The following NBPF19 variants were observed in gnomAD, a reference collection of about 807,000 sequenced individuals.
NBPF19 encodes the protein NBPF family member NBPF19.
A neutral mutation model predicts 45.9 loss-of-function variants in NBPF19; 30 were observed. That is an observed-to-expected ratio of 0.65 (90% CI 0.49 to 0.89). NBPF19 has a LOEUF of 0.89. Ranked by LOEUF, NBPF19 falls within the 40% of genes least tolerant of loss-of-function variation. The pLI, the probability that NBPF19 is intolerant of heterozygous loss-of-function variation, is 0.00. For synonymous variants in NBPF19, 183 were observed against 181.2 expected (o/e 1.01, Z -0.08); for missense variants, 495 against 471.8 (o/e 1.05, Z -0.46).
At chr1:149,479,735 G>A (rs1321077861) in intron 4 of NBPF19, among the ~76,000 whole-genome samples, 4 of 150,186 alleles carry the variant, frequency 2.7e-5, no homozygotes, top group Non-Finnish European at 3.0e-5. Context: ...GTCTCATGAC[G>A]CATAGAGGAC....
At chr1:149,487,772 G>A (rs3108133) in intron 9 of NBPF19, among the ~76,000 whole-genome samples, 11 of 128,188 alleles carry the variant, frequency 8.6e-5, no homozygotes, top group Admixed American at 2.4e-4. Context: ...GACTGAGCTC[G>A]CTCTGTGTGT....
chr1:149,554,345 A>T, intron 93 of NBPF19, 150 bp from the exon 94 acceptor site: 2 of 1,422,326 alleles, frequency 1.4e-6, no homozygotes, highest in Non-Finnish European at 1.9e-6. Context: ...CTATCCCAAC[A>T]TAAAGGCAAT....
In NBPF19 at chr1:149,487,926, T is replaced by C. The variant is rs2085708648; in HGVS notation, c.1041-87T>C. Reference sequence around the variant, plus strand: ...ATCTCTCCTTTTTCTTTTCAAACTCTTCCTTATGTTAGCCATGAAATCTAG... The same window carrying C: ...ATCTCTCCTTTTTCTTTTCAAACTCCTCCTTATGTTAGCCATGAAATCTAG... On this transcript the variant is annotated intron_variant, in intron 9 of 93. Coordinates refer to ENST00000651566, the MANE Select transcript of NBPF19 (RefSeq NM_001351365.2). 3 of 732,678 alleles carry C rather than the reference T, an allele frequency of 4.1e-6. No individual in the cohort carries two copies. In the Admixed American group the frequency reaches 5.9e-5, roughly 14 times the overall value. The allele number at this position is 732,678 out of a possible 1,614,324, so 45.4% of individuals were successfully genotyped here. A position where few individuals can be genotyped will look rare whatever the true frequency, so the allele number is the denominator to read the frequency against.
intron 9 of NBPF19, among the ~76,000 whole-genome samples, chr1:149,487,649 T>A (rs1165329057): frequency 1.3e-5 from 2 of 150,314 alleles, no homozygotes; most frequent in African/African-American, 4.9e-5. Flanking sequence ...TGAGCACATT[T>A]TATGCAAAAT....
At chr1:149,492,535 CTG>C (rs1489641689) in intron 15 of NBPF19, among the ~76,000 whole-genome samples, 1 of 122,884 alleles carries the variant, frequency 8.1e-6, no homozygotes, top group Admixed American at 8.4e-5. Flanking sequence ...GTCTCTGTCT[CTG>C]TCTCTCTCTC....
chr1:149,487,057 A>C (rs2085564966), intron 8 of NBPF19, among the ~76,000 whole-genome samples: 1 of 150,766 alleles, frequency 6.6e-6, no homozygotes, highest in African/African-American at 2.4e-5. Context: ...CCTACAATTT[A>C]TTGGGGAAAA....
chr1:149,487,336 T>G lies in NBPF19; in HGVS notation c.993T>G (p.His331Gln). 6.4e-7 allele frequency: 1 copy of G among 1,565,418 alleles called. No homozygotes were observed. Among genetic ancestry groups the G allele is most frequent in the Non-Finnish European group, 8.7e-7 (1 of 1,148,730 alleles). The change falls in exon 9 of 94, where the codon CAT (histidine) becomes CAG (glutamine). Residue 331 changes from histidine to glutamine, a missense_variant. Transcript: ENST00000651566. Reference protein sequence around the residue: ...QVCMAVDIGRHRWDQVKKEDQ... With the variant: ...QVCMAVDIGRQRWDQVKKEDQ... ...CCCATCTGAATTTATTTGCAGGACA[T>G]CGCTGGGATCAAGTGAAAAAGGAGG...
rs1451727659 is a variant in NBPF19, at chr1:149,555,877, C to A, written c.*1139C>A. 1 of 146,034 alleles carries A rather than the reference C, an allele frequency of 6.8e-6. No homozygotes were observed. Among genetic ancestry groups the A allele is most frequent in the Non-Finnish European group, 1.5e-5 (1 of 65,826 alleles). The allele number at this position is 146,034 out of a possible 1,614,324, so 9.0% of individuals were successfully genotyped here. On this transcript the variant is annotated 3_prime_UTR_variant, in exon 94 of 94. Transcript: ENST00000651566. ...TGAGTTTCCAACCTCAGCCCATCTG[C>A]GGGCAGAGAAGGTCTAGTTTGTCCA...
At chr1:149,554,425 T>A in intron 93 of NBPF19, 70 bp from the exon 94 acceptor site, 1 of 1,607,706 alleles carries the variant, frequency 6.2e-7, no homozygotes, top group Non-Finnish European at 8.5e-7. Context: ...ATGTGACTTC[T>A]GAAATCTAGT....
At chr1:149,497,358 C>T (rs2086097639) in intron 21 of NBPF19, among the ~76,000 whole-genome samples, 167 bp from the exon 22 acceptor site, 1 of 13,548 alleles carries the variant, frequency 7.4e-5, no homozygotes, top group Admixed American at 9.3e-4. Context: ...TTGTTTTCTA[C>T]CTGGCCCTGT....
Position 149,487,314 on chromosome 1 carries a change from A to T in NBPF19, c.989-18A>T. 3.2e-6 allele frequency: 5 copies of T among 1,556,264 alleles called. No homozygotes were observed. The highest frequency in any genetic ancestry group is 4.4e-6 in the Non-Finnish European group (5 of 1,140,582). ...GGAAGAACTTAATGTAAGAGGGCCC[A>T]TCTGAATTTATTTGCAGGACATCGC... On this transcript the variant is annotated intron_variant, in intron 8 of 93. Coordinates refer to ENST00000651566, the MANE Select transcript of NBPF19 (RefSeq NM_001351365.2).
In NBPF19 at chr1:149,554,924, C is replaced by T. The variant is rs1269878001; in HGVS notation, c.*186C>T. 7.3e-5 allele frequency: 77 copies of T among 1,056,202 alleles called. No homozygotes were observed. The highest frequency in any genetic ancestry group is 6.1e-4 in the East Asian group (25 of 41,306). 65.4% of individuals were successfully genotyped at this position (1,056,202 alleles called of 1,614,324 possible). A position where few individuals can be genotyped will look rare whatever the true frequency, so the allele number is the denominator to read the frequency against. On this transcript the variant is annotated 3_prime_UTR_variant, in exon 94 of 94. Coordinates refer to ENST00000651566, the MANE Select transcript of NBPF19 (RefSeq NM_001351365.2). ...GCTCAGTCTGAAGACAATGGACCCA[C>T]GTTAGGTGTGACACGTTCACATAAC... is the stretch of plus-strand genomic sequence containing the variant.
rs1571068129 is a variant in NBPF19, at chr1:149,554,847, T to G, written c.*109T>G. 6.4e-7 allele frequency: 1 copy of G among 1,559,374 alleles called. No homozygotes were observed. Among genetic ancestry groups the G allele is most frequent in the African/African-American group, 1.4e-5 (1 of 73,544 alleles). On this transcript the variant is annotated 3_prime_UTR_variant, in exon 94 of 94. Transcript: ENST00000651566. The stretch of plus-strand genomic sequence containing the variant: ...TTTGGAAGCCCAGACATAGGATGGG[T>G]CAGTGGGCATGGCTCTTTTCCTATT...
rs1413574520 is a variant in NBPF19, at chr1:149,488,253, C to A, written c.1213+68C>A. On this transcript the variant is annotated intron_variant, in intron 10 of 93. Transcript: ENST00000651566. ...TCTGGTTAGGGTCATATTCCTACTGCAAGTGGCCCTTACTGAGCTGAGAGA... is the reference window on the plus strand; with the variant it reads ...TCTGGTTAGGGTCATATTCCTACTGAAAGTGGCCCTTACTGAGCTGAGAGA... 101 of 565,288 alleles carry A rather than the reference C, an allele frequency of 1.8e-4. 2 individuals carry two copies. The Middle Eastern group carries it at 1.9e-3, about 10-fold the overall frequency. 35.0% of individuals were successfully genotyped at this position (565,288 alleles called of 1,614,324 possible).
In NBPF19 at chr1:149,475,215, T is replaced by C. The variant is rs2084764394; in HGVS notation, c.-616T>C. The stretch of plus-strand genomic sequence containing the variant: ...AAAAAAATGAATTATTCATTCACTT[T>C]CTAGTGGATACAGAAAAAACTGCAG... On this transcript the variant is annotated 5_prime_UTR_variant, in exon 1 of 94. Coordinates refer to ENST00000651566, the MANE Select transcript of NBPF19 (RefSeq NM_001351365.2). Among the ~76,000 whole-genome samples, 2 of 150,346 alleles carry C rather than the reference T, an allele frequency of 1.3e-5. No individual in the cohort carries two copies. Among genetic ancestry groups the C allele is most frequent in the African/African-American group, 4.9e-5 (2 of 41,020 alleles).
chr1:149,538,533 G>A, intron 73 of NBPF19, 143 bp from the exon 74 acceptor site: 1 of 80,086 alleles, frequency 1.2e-5, no homozygotes, highest in Non-Finnish European at 2.5e-5. Context: ...GTCCCAACAT[G>A]AAGGCAATAA....
chr1:149,509,983 C>T (rs1473364395), intron 37 of NBPF19, among the ~76,000 whole-genome samples, 196 bp from the exon 38 acceptor site: 4 of 55,648 alleles, frequency 7.2e-5, no homozygotes, highest in Admixed American at 2.4e-4. Context: ...TGTGTGTGTC[C>T]ATCTGTCTTT....
In NBPF19 at chr1:149,490,914, G is replaced by C. The variant is rs1472259963; in HGVS notation, c.1491-225G>C. On this transcript the variant is annotated intron_variant, in intron 13 of 93. Transcript: ENST00000651566. The stretch of plus-strand genomic sequence containing the variant: ...TCTCTCTCTCTGTGTGTGTGTGTGT[G>C]TGTGTGCGTGTGTGTGTGTGTGTGT... Among the ~76,000 whole-genome samples, 3 of 132,906 alleles carry C rather than the reference G, an allele frequency of 2.3e-5. No homozygotes were observed. The Admixed American group carries it at 2.3e-4, about 10-fold the overall frequency. 87.2% of individuals were successfully genotyped at this position (132,906 alleles called of 152,430 possible).
intron 9 of NBPF19, among the ~76,000 whole-genome samples, chr1:149,487,803 G>C (rs1349456001): frequency 2.0e-5 from 3 of 149,014 alleles, no homozygotes; most frequent in Non-Finnish European, 3.0e-5. Flanking sequence ...GTGTGTGTGT[G>C]TGTGTGTGTG....
Sources: allele counts gnomAD v4.1 joint callset (sites outside exome capture counted in the v4.1 genomes callset), GRCh38; gene constraint gnomAD v4.1.1; transcripts MANE v1.5; gene names NCBI Gene and HGNC (gene_info 2026-07-23, HGNC 2026-07-21).